CDKL5: variants seen among roughly 807,000 people sequenced by gnomAD.
CDKL5 encodes the protein cyclin-dependent kinase-like 5.
A neutral mutation model predicts 61.7 loss-of-function variants in CDKL5; 8 were observed. The observed-to-expected ratio is 0.13, with a 90% CI of 0.08 to 0.23. The LOEUF (loss-of-function observed/expected upper bound fraction) is 0.23. CDKL5 is among the 10% of genes least tolerant of loss of function. The pLI, the probability that CDKL5 is intolerant of heterozygous loss-of-function variation, is 1.00. For missense variants in CDKL5, 440 were observed against 734.5 expected (o/e 0.60, Z 4.63); for synonymous variants, 275 against 272.3 (o/e 1.01, Z -0.10).
chrX:18,490,885 A>G (rs1218983229), intron 1 of CDKL5, among the ~76,000 whole-genome samples: 1 of 112,206 alleles, frequency 8.9e-6, no homozygotes, highest in East Asian at 2.8e-4. Flanking sequence ...ATAGGACACA[A>G]ATATCTCTGT....
At chrX:18,501,746 A>C (rs182682356) in intron 1 of CDKL5, among the ~76,000 whole-genome samples, 86 of 108,899 alleles carry the variant, frequency 7.9e-4, no homozygotes, top group African/African-American at 2.8e-3. Flanking sequence ...ATCGGGTTTC[A>C]TCATATTGGT....
At chrX:18,618,318 C>T (rs770220576) in intron 15 of CDKL5, among the ~76,000 whole-genome samples, 2 of 111,781 alleles carry the variant, frequency 1.8e-5, no homozygotes, top group South Asian at 7.6e-4. Context: ...TATTGTGGAA[C>T]GACATAGCTT....
At chrX:18,532,409 C>T (rs1354245155) in intron 3 of CDKL5, among the ~76,000 whole-genome samples, 1 of 109,254 alleles carries the variant, frequency 9.2e-6, no homozygotes, top group Non-Finnish European at 1.9e-5. Flanking sequence ...AAACCATGCT[C>T]AAGTAGTTCT....
At chrX:18,461,839 G>T (rs76456608) in intron 1 of CDKL5, among the ~76,000 whole-genome samples, 2,524 of 111,963 alleles carry the variant, frequency 0.023, 67 homozygotes, top group East Asian at 0.18. Flanking sequence ...AATGGGGATA[G>T]GAGGCACATA....
chrX:18,486,317 C>T (rs919745113), intron 1 of CDKL5, among the ~76,000 whole-genome samples: 4 of 111,374 alleles, frequency 3.6e-5, no homozygotes, highest in Non-Finnish European at 7.5e-5. Context: ...TCTTTTTTTT[C>T]TGCTTTTCTA....
downstream of CDKL5, chrX:18,640,618 C>T (rs774950331): frequency 3.6e-5 from 4 of 111,961 alleles, no homozygotes; most frequent in Non-Finnish European, 5.6e-5. Context: ...AGAAGGCTGC[C>T]TGTTCACAGA....
intron 2 of CDKL5, among the ~76,000 whole-genome samples, chrX:18,509,127 C>G (rs901315100): frequency 2.3e-5 from 2 of 88,683 alleles, no homozygotes; most frequent in African/African-American, 8.5e-5. Flanking sequence ...CACACACACA[C>G]AGGTTGCAGT....
intron 1 of CDKL5, among the ~76,000 whole-genome samples, chrX:18,445,065 T>G (rs1931841609): frequency 9.2e-6 from 1 of 109,194 alleles, no homozygotes; most frequent in Non-Finnish European, 1.9e-5. Flanking sequence ...TTTTCCCTTC[T>G]GTTTGGGTCA....
At chrX:18,499,615 G>A (rs1040158401) in intron 1 of CDKL5, among the ~76,000 whole-genome samples, 5 of 110,613 alleles carry the variant, frequency 4.5e-5, no homozygotes, top group African/African-American at 6.6e-5. Context: ...CACCCGCCTC[G>A]GCCTCGGCCT....
chrX:18,463,319 A>T (rs1268373464), intron 1 of CDKL5, among the ~76,000 whole-genome samples: 1 of 111,451 alleles, frequency 9.0e-6, no homozygotes, highest in Non-Finnish European at 1.9e-5. Flanking sequence ...CCCTGAATGT[A>T]CAAGTTTAGT....
intron 1 of CDKL5, among the ~76,000 whole-genome samples, chrX:18,440,259 ATTTCAAAAATGTTTAAGGCATCT>A (rs1931707877): frequency 8.9e-6 from 1 of 112,051 alleles, no homozygotes; most frequent in African/African-American, 3.2e-5. Flanking sequence ...TGAAATAGTC[ATTTCAAAAATGTTTAAGGCATCT>A]TTACCAGTAG....
At chrX:18,481,920 A>C (rs1055405883) in intron 1 of CDKL5, among the ~76,000 whole-genome samples, 3 of 110,188 alleles carry the variant, frequency 2.7e-5, no homozygotes, top group African/African-American at 9.9e-5. Context: ...GGGATGTGAA[A>C]TTCTGGTAAC....
In CDKL5 at chrX:18,570,565, TTTTC is replaced by T. The variant is rs1189478409; in HGVS notation, c.146-4785_146-4782del. 1.1e-4 allele frequency among the ~76,000 whole-genome samples: 12 copies of T among 111,270 alleles called. No individual in the cohort carries two copies. In the Admixed American group the frequency reaches 1.2e-3, roughly 11 times the overall value. On this transcript the variant is annotated intron_variant, in intron 4 of 17. Transcript: ENST00000623535. ...TGGTTTTGATCAAGGATGGGTTGAT[TTTTC>T]TTTATCAGTTTATCTGTGTAAAGGT...
At chrX:18,626,071 T>G (rs1038579768) in intron 17 of CDKL5, among the ~76,000 whole-genome samples, 2 of 108,180 alleles carry the variant, frequency 1.8e-5, no homozygotes, top group Admixed American at 9.9e-5. Flanking sequence ...CTACTGTTTT[T>G]TTTTTTTTTT....
chrX:18,634,510 C>T lies in CDKL5; in HGVS notation c.*5753C>T, dbSNP rs1927327627. On this transcript the variant is annotated 3_prime_UTR_variant, in exon 18 of 18. Transcript: ENST00000623535. ...AAAACAAAACAAAAAAGATGCTTAT[C>T]GTCCCGGAGAATGTGTAAGTAAGTT... is the stretch of plus-strand genomic sequence containing the variant. The T allele has an allele frequency of 1.3e-6, 1 of 752,407 alleles. No homozygotes were observed. Among genetic ancestry groups the T allele is most frequent in the Non-Finnish European group, 1.6e-6 (1 of 639,020 alleles). 62.0% of individuals were successfully genotyped at this position (752,407 alleles called of 1,213,427 possible). A position where few individuals can be genotyped will look rare whatever the true frequency, so the allele number is the denominator to read the frequency against.
At chrX:18,575,990 C>T (rs1414214954) in intron 5 of CDKL5, among the ~76,000 whole-genome samples, 1 of 111,903 alleles carries the variant, frequency 8.9e-6, no homozygotes, top group African/African-American at 3.3e-5. Context: ...TAGATGAGAC[C>T]GTAAAAGAAA....
intron 1 of CDKL5, among the ~76,000 whole-genome samples, chrX:18,495,341 A>G (rs759360379): frequency 6.2e-5 from 7 of 112,609 alleles, no homozygotes; most frequent in African/African-American, 1.3e-4. Context: ...CTAATAATCT[A>G]TGAAATAAAT....
intron 1 of CDKL5, chrX:18,426,151 C>G (rs1931362407): frequency 8.9e-6 from 1 of 112,282 alleles, no homozygotes; most frequent in South Asian, 3.6e-4. Flanking sequence ...GGAGGGAGCC[C>G]GAGACTCGCC....
rs1170498240 is a variant in CDKL5 at position 18,598,551 on chromosome X, T to G, written c.915T>G (p.Arg305=). The change falls in exon 11 of 18, where the codon CGT becomes CGG. Residue 305 remains arginine (R), a synonymous_variant. Coordinates refer to ENST00000623535, the MANE Select transcript of CDKL5 (RefSeq NM_001323289.2). The part of the protein sequence containing the change: ...PTFQTQRLLD[R]SPSRSAKRKP... The stretch of plus-strand genomic sequence containing the variant: ...TTCAAACCCAGAGACTTCTGGATCG[T>G]TCTCCTTCAAGGTCAGCAAAAAGAA... The G allele has an allele frequency of 1.7e-6, 2 of 1,209,595 alleles. No individual in the cohort carries two copies. The highest frequency in any genetic ancestry group is 2.2e-6 in the Non-Finnish European group (2 of 893,429).
Sources: gnomAD v4.1 joint callset for allele counts (sites outside exome capture counted in the v4.1 genomes callset) on GRCh38, gnomAD v4.1.1 for gene constraint, MANE v1.5 for transcripts, NCBI Gene and HGNC (gene_info 2026-07-23, HGNC 2026-07-21) for gene names.